The following NBEA variants were observed in gnomAD, a reference collection of about 807,000 sequenced individuals.
NBEA encodes neurobeachin, also known as lysosomal-trafficking regulator 2.
In NBEA, 44 loss-of-function variants were observed where a neutral mutation model predicts 343.4. The ratio of observed to expected loss-of-function variants is 0.13; its 90% CI spans 0.10 to 0.16. NBEA has a LOEUF of 0.16. NBEA is among the 10% of genes least tolerant of loss of function. The pLI is 1.00. For synonymous variants in NBEA, 1,175 were observed against 1,238.7 expected (o/e 0.95, Z 1.08); for missense variants, 2,555 against 3,631.3 (o/e 0.70, Z 7.62).
chr13:35,086,444 C>T (rs947998195), intron 10 of NBEA, among the ~76,000 whole-genome samples: 2 of 151,944 alleles, frequency 1.3e-5, no homozygotes, highest in African/African-American at 4.8e-5. Flanking sequence ...TTTATTCCTC[C>T]TGCTACCCTG....
intron 35 of NBEA, among the ~76,000 whole-genome samples, chr13:35,301,880 A>G (rs751789306): frequency 6.6e-6 from 1 of 152,166 alleles, no homozygotes; most frequent in Non-Finnish European, 1.5e-5. Flanking sequence ...TCGCCATTCT[A>G]ACTGGCATGA....
intron 44 of NBEA, among the ~76,000 whole-genome samples, chr13:35,564,859 T>C (rs2080057104): frequency 6.6e-6 from 1 of 152,258 alleles, no homozygotes; most frequent in Non-Finnish European, 1.5e-5. Context: ...ACTTGACTTA[T>C]ATTTGTTCAT....
intron 34 of NBEA, among the ~76,000 whole-genome samples, chr13:35,245,384 G>A (rs1323086324): frequency 1.3e-5 from 2 of 152,092 alleles, no homozygotes; most frequent in African/African-American, 4.8e-5. Flanking sequence ...TATAGGTTAT[G>A]TGAGATTCAT....
intron 1 of NBEA, among the ~76,000 whole-genome samples, chr13:35,020,780 A>T (rs2061810616): frequency 2.0e-5 from 3 of 152,068 alleles, no homozygotes; most frequent in Admixed American, 2.0e-4. Flanking sequence ...CAGCCTCCCA[A>T]AGTGCTATGA....
intron 1 of NBEA, among the ~76,000 whole-genome samples, chr13:34,991,999 GA>G (rs2060768037): frequency 6.7e-6 from 1 of 148,740 alleles, no homozygotes; most frequent in Non-Finnish European, 1.5e-5. Context: ...CTGATGAGAA[GA>G]AAGTAGTCAT....
intron 1 of NBEA, among the ~76,000 whole-genome samples, chr13:35,021,623 CT>C (rs568108394): frequency 6.9e-4 from 102 of 148,118 alleles, no homozygotes; most frequent in African/African-American, 1.2e-3. Flanking sequence ...ATTAACTACA[CT>C]TTTTTTTTTA....
chr13:35,513,377 C>G, intron 41 of NBEA, among the ~76,000 whole-genome samples: 1 of 144,234 alleles, frequency 6.9e-6, no homozygotes, highest in Non-Finnish European at 1.5e-5. Context: ...TTTTGAACTC[C>G]TGGCCTCAAG....
At chr13:35,351,596 A>G (rs540675159) in intron 37 of NBEA, among the ~76,000 whole-genome samples, 2 of 152,084 alleles carry the variant, frequency 1.3e-5, no homozygotes, top group Admixed American at 6.6e-5. Context: ...GGGATCATAG[A>G]AAAAAATCTT....
intron 34 of NBEA, among the ~76,000 whole-genome samples, chr13:35,275,369 C>T (rs1337648112): frequency 6.6e-6 from 1 of 152,148 alleles, no homozygotes; most frequent in Non-Finnish European, 1.5e-5. Context: ...GGATTGAAGA[C>T]TTAAAATGTA....
intron 41 of NBEA, among the ~76,000 whole-genome samples, chr13:35,503,449 T>G (rs2076965060): frequency 2.6e-5 from 4 of 151,896 alleles, no homozygotes; most frequent in Admixed American, 2.6e-4. Flanking sequence ...CAATAAGTAT[T>G]GATCTACATT....
intron 40 of NBEA, among the ~76,000 whole-genome samples, chr13:35,452,529 T>C (rs1485171221): frequency 6.6e-6 from 1 of 152,218 alleles, no homozygotes; most frequent in African/African-American, 2.4e-5. Context: ...GCCTATATTA[T>C]AATTGGGAGG....
At chr13:35,241,330 C>T (rs1441813305) in intron 34 of NBEA, among the ~76,000 whole-genome samples, 38 of 151,602 alleles carry the variant, frequency 2.5e-4, no homozygotes, top group East Asian at 1.9e-4. Context: ...GGGAGAAATA[C>T]GTGAACAGTG....
chr13:35,403,568 C>T (rs1290248465), intron 38 of NBEA, among the ~76,000 whole-genome samples: 1 of 152,068 alleles, frequency 6.6e-6, no homozygotes, highest in Admixed American at 6.6e-5. Flanking sequence ...AAAGCTGAAA[C>T]TGGATCCCTT....
At chr13:35,442,981 C>G (rs1389337395) in intron 39 of NBEA, among the ~76,000 whole-genome samples, 1 of 152,042 alleles carries the variant, frequency 6.6e-6, no homozygotes, top group Admixed American at 6.6e-5. Flanking sequence ...TTGCAAGTAT[C>G]CTTGATGTCC....
intron 33 of NBEA, among the ~76,000 whole-genome samples, chr13:35,216,342 C>T (rs561135495): frequency 8.6e-5 from 13 of 151,952 alleles, no homozygotes; most frequent in Admixed American, 4.6e-4. Flanking sequence ...GGAATACAGC[C>T]ACACTCATTT....
At chr13:35,668,806 T>C (rs2085473910) in intron 58 of NBEA, among the ~76,000 whole-genome samples, 1 of 152,220 alleles carries the variant, frequency 6.6e-6, no homozygotes, top group Non-Finnish European at 1.5e-5. Context: ...TTCCCTGTTC[T>C]CAGGTTCCTG....
chr13:35,563,721 T>C (rs886265171), intron 44 of NBEA, among the ~76,000 whole-genome samples: 17 of 151,772 alleles, frequency 1.1e-4, no homozygotes, highest in Non-Finnish European at 2.1e-4. Context: ...TCAAAGGACC[T>C]CTCAAAGATT....
chr13:35,135,773 CTA>C (rs149532873), intron 17 of NBEA, among the ~76,000 whole-genome samples: 104 of 150,534 alleles, frequency 6.9e-4, no homozygotes, highest in African/African-American at 2.4e-3. Context: ...ACGTGTATAT[CTA>C]TATATATATA....
chr13:35,519,052 C>T (rs1402919691), intron 41 of NBEA, among the ~76,000 whole-genome samples: 1 of 152,214 alleles, frequency 6.6e-6, no homozygotes, highest in African/African-American at 2.4e-5. Context: ...TTGACTAATA[C>T]AATTCTACTT....
Sources: gnomAD v4.1 joint callset for allele counts (sites outside exome capture counted in the v4.1 genomes callset) on GRCh38, gnomAD v4.1.1 for gene constraint, MANE v1.5 for transcripts, NCBI Gene and HGNC (gene_info 2026-07-23, HGNC 2026-07-21) for gene names.